MYO3A: variants seen among roughly 807,000 people sequenced by gnomAD.
The protein encoded by MYO3A is myosin-IIIa.
In MYO3A, 180 loss-of-function variants were observed where a neutral mutation model predicts 192.7. The ratio of observed to expected loss-of-function variants is 0.93; its 90% CI spans 0.83 to 1.06. MYO3A has a LOEUF of 1.06. MYO3A is among the 50% of genes least tolerant of loss of function. The pLI is 0.00. For missense variants in MYO3A, 1,896 were observed against 1,905.0 expected (o/e 1.00, Z 0.09); for synonymous variants, 628 against 645.3 (o/e 0.97, Z 0.41).
intron 4 of MYO3A, among the ~76,000 whole-genome samples, chr10:25,990,347 A>G (rs1172743495): frequency 6.6e-6 from 1 of 152,142 alleles, no homozygotes; most frequent in Non-Finnish European, 1.5e-5. Flanking sequence ...ATGTACATAC[A>G]AAATGGTATA....
intron 31 of MYO3A, among the ~76,000 whole-genome samples, chr10:26,185,674 T>A (rs961424320): frequency 6.6e-6 from 1 of 152,126 alleles, no homozygotes; most frequent in African/African-American, 2.4e-5. Context: ...AGTGTTTTGT[T>A]TTCTTTTTCT....
At chr10:25,967,107 G>T (rs1838311597) in intron 4 of MYO3A, among the ~76,000 whole-genome samples, 1 of 152,118 alleles carries the variant, frequency 6.6e-6, no homozygotes, top group South Asian at 2.1e-4. Context: ...CAGAGAAGAG[G>T]AAGTTATGCA....
chr10:26,026,650 A>C (rs1311749727), intron 10 of MYO3A, 118 bp downstream of exon 10: 8 of 1,151,086 alleles, frequency 6.9e-6, no homozygotes, highest in East Asian at 5.0e-5. Context: ...ACTTACATGA[A>C]AAGTGAATGT....
At chr10:26,173,551 TCTTTGTTC>T in intron 29 of MYO3A, 104 bp from the exon 30 acceptor site, 1 of 959,390 alleles carries the variant, frequency 1.0e-6, no homozygotes, top group Non-Finnish European at 1.6e-6. Flanking sequence ...TTTTGAGCTT[TCTTTGTTC>T]CTTTTGCCTT....
At chr10:26,170,613 C>A in intron 29 of MYO3A, 74 bp downstream of exon 29, 2 of 1,491,168 alleles carry the variant, frequency 1.3e-6, no homozygotes, top group Non-Finnish European at 9.2e-7. Context: ...GAATAATGTT[C>A]ACAGCCTTTC....
At chr10:25,964,183 A>T (rs1273123542) in intron 4 of MYO3A, among the ~76,000 whole-genome samples, 1 of 152,148 alleles carries the variant, frequency 6.6e-6, no homozygotes, top group South Asian at 2.1e-4. Context: ...ACATGATTGT[A>T]TATGATTACT....
intron 2 of MYO3A, among the ~76,000 whole-genome samples, chr10:25,946,239 T>A (rs1175691867): frequency 6.6e-6 from 1 of 152,206 alleles, no homozygotes; most frequent in African/African-American, 2.4e-5. Context: ...CATTTCAACC[T>A]AAAGGGCTTC....
intron 4 of MYO3A, among the ~76,000 whole-genome samples, chr10:25,976,622 A>G (rs1178190885): frequency 1.3e-5 from 2 of 152,126 alleles, no homozygotes; most frequent in Non-Finnish European, 1.5e-5. Context: ...TTGTTTTGTA[A>G]TGTTTGACTA....
intron 2 of MYO3A, among the ~76,000 whole-genome samples, chr10:25,937,831 G>T (rs1454392118): frequency 2.6e-5 from 4 of 152,164 alleles, no homozygotes; most frequent in African/African-American, 2.4e-5. Flanking sequence ...TAAAACATTG[G>T]TTATGGCTCA....
chr10:26,155,869 G>A (rs778512384), intron 25 of MYO3A, among the ~76,000 whole-genome samples: 1 of 152,050 alleles, frequency 6.6e-6, no homozygotes, highest in Non-Finnish European at 1.5e-5. Flanking sequence ...ACTGTTGTTG[G>A]CATCAAACAC....
intron 14 of MYO3A, among the ~76,000 whole-genome samples, chr10:26,085,590 G>C (rs947828618): frequency 6.6e-6 from 1 of 152,172 alleles, no homozygotes; most frequent in Non-Finnish European, 1.5e-5. Flanking sequence ...TGTGCCAGAG[G>C]CTTGGAGGCT....
At chr10:26,137,236 G>C (rs981453073) in intron 20 of MYO3A, among the ~76,000 whole-genome samples, 3 of 152,180 alleles carry the variant, frequency 2.0e-5, no homozygotes, top group East Asian at 1.9e-4. Context: ...TCCAGACATG[G>C]GTAATTTCAG....
chr10:25,981,134 T>C (rs1378213307), intron 4 of MYO3A, among the ~76,000 whole-genome samples: 1 of 152,172 alleles, frequency 6.6e-6, no homozygotes, highest in Admixed American at 6.5e-5. Flanking sequence ...CATTCAGCAA[T>C]ATGCATTTAA....
In MYO3A at chr10:26,101,152, G is replaced by C. The variant is rs964601981; in HGVS notation, c.1776+4470G>C. On this transcript the variant is annotated intron_variant, in intron 17 of 34. Coordinates refer to ENST00000642920, the MANE Select transcript of MYO3A (RefSeq NM_017433.5). ...ATTGATTCCTTTACCATTATGTAAT[G>C]GCCTTCTTTGTCTCTTTTGATCTTT... is the stretch of plus-strand genomic sequence containing the variant. Among the ~76,000 whole-genome samples, 10 of 152,234 alleles carry C rather than the reference G, an allele frequency of 6.6e-5. No homozygotes were observed. In the South Asian group the frequency reaches 1.2e-3, roughly 19 times the overall value.
chr10:26,007,735 A>T (rs1038002158), intron 6 of MYO3A, among the ~76,000 whole-genome samples: 2 of 150,696 alleles, frequency 1.3e-5, no homozygotes, highest in Non-Finnish European at 2.9e-5. Context: ...ATAAAAGAGG[A>T]TACAAACAAA....
chr10:26,178,950 A>C (rs181827178), intron 31 of MYO3A, among the ~76,000 whole-genome samples: 1,782 of 145,970 alleles, frequency 0.012, 37 homozygotes, highest in African/African-American at 0.039. Context: ...TCCAGGCGCC[A>C]GCCACCACGC....
At chr10:26,173,419 T>G (rs1334206197) in intron 29 of MYO3A, among the ~76,000 whole-genome samples, 1 of 152,242 alleles carries the variant, frequency 6.6e-6, no homozygotes, top group African/African-American at 2.4e-5. Context: ...GTTCTTCATA[T>G]GCTAGGATAT....
At chr10:26,045,308 C>A (rs1843574209) in intron 10 of MYO3A, among the ~76,000 whole-genome samples, 1 of 151,998 alleles carries the variant, frequency 6.6e-6, no homozygotes, top group South Asian at 2.1e-4. Context: ...AATCAGCCTG[C>A]AAAATTTGAT....
chr10:26,178,840 C>T (rs939226440), intron 31 of MYO3A, among the ~76,000 whole-genome samples: 3 of 151,788 alleles, frequency 2.0e-5, no homozygotes, highest in South Asian at 2.1e-4. Context: ...CTTGCTCTGT[C>T]ACCCAGGCTG....
Sources: gnomAD v4.1 joint callset for allele counts (sites outside exome capture counted in the v4.1 genomes callset) on GRCh38, gnomAD v4.1.1 for gene constraint, MANE v1.5 for transcripts, NCBI Gene and HGNC (gene_info 2026-07-23, HGNC 2026-07-21) for gene names.